MICAL2: variants seen among roughly 807,000 people sequenced by gnomAD.
MICAL2 encodes microtubule associated monooxygenase, calponin and LIM domain containing 2.
A neutral mutation model predicts 127.3 loss-of-function variants in MICAL2; 77 were observed. The observed-to-expected ratio is 0.60, with a 90% confidence interval of 0.50 to 0.73. The LOEUF is 0.73. Among genes scored for constraint, MICAL2 ranks in the 30% least tolerant of loss-of-function variants. The probability of loss-of-function intolerance (pLI) is 0.00; values close to 1 mark genes in which losing one functional copy is unlikely to be tolerated. For missense variants in MICAL2, 1,351 were observed against 1,434.4 expected (o/e 0.94, Z 0.94); for synonymous variants, 570 against 551.1 (o/e 1.03, Z -0.48).
chr11:12,298,640 A>G (rs1016048747), intron 29 of MICAL2, among the ~76,000 whole-genome samples: 6 of 152,192 alleles, frequency 3.9e-5, no homozygotes, highest in Non-Finnish European at 8.8e-5. Flanking sequence ...ACTGAGATAT[A>G]TTTTATCATT....
chr11:12,316,326 G>A (rs1490252409), intron 29 of MICAL2, among the ~76,000 whole-genome samples: 3 of 151,000 alleles, frequency 2.0e-5, no homozygotes, highest in Non-Finnish European at 4.4e-5. Flanking sequence ...TGATTTCTTT[G>A]TGTCTTCAAT....
At chr11:12,145,396 C>T (rs1376198701) in intron 2 of MICAL2, among the ~76,000 whole-genome samples, 7 of 152,282 alleles carry the variant, frequency 4.6e-5, no homozygotes, top group Non-Finnish European at 1.0e-4. Context: ...CTCAAGATGA[C>T]GAGTCCTGTT....
intron 1 of MICAL2, among the ~76,000 whole-genome samples, chr11:12,119,233 G>T (rs1006476608): frequency 1.3e-5 from 2 of 152,176 alleles, no homozygotes; most frequent in African/African-American, 4.8e-5. Context: ...TCTCTGGGGT[G>T]TTTATGTTGT....
At chr11:12,202,029 G>A (rs902489067) in intron 3 of MICAL2, among the ~76,000 whole-genome samples, 7 of 152,134 alleles carry the variant, frequency 4.6e-5, no homozygotes, top group African/African-American at 1.7e-4. Flanking sequence ...GGCTGAGGCA[G>A]GAGAAGCACT....
rs1366581253 is a variant in MICAL2 at position 12,242,241 on chromosome 11, G to A, written c.2365G>A (p.Val789Met). The change falls in exon 19 of 28, where the codon GTG becomes ATG. Residue 789 changes from valine to methionine, a missense_variant. By Grantham distance (21) the Val-to-Met change is conservative. This residue lies in a region of MICAL2 where 752 missense variants were observed against 719.4 expected (regional missense o/e 1.05). Transcript: ENST00000683283. ...QFPSVVVTGH[V>M]LRELKQVSAG... ...CCCCTCTGTGGTCGTGACGGGGCAC[G>A]TGCTCAGAGAGCTCAAGCAAGTGTC... 11 of 1,610,798 alleles carry A rather than the reference G, an allele frequency of 6.8e-6. No individual in the cohort carries two copies. Among genetic ancestry groups the A allele is most frequent in the South Asian group, 3.3e-5 (3 of 90,934 alleles).
intron 29 of MICAL2, among the ~76,000 whole-genome samples, chr11:12,309,384 G>T (rs1171495318): frequency 2.0e-5 from 3 of 152,008 alleles, no homozygotes; most frequent in Admixed American, 6.5e-5. Context: ...ATCTCCATGA[G>T]ATCCACTTTT....
At chr11:12,169,993 G>A (rs1379950420) in intron 3 of MICAL2, among the ~76,000 whole-genome samples, 2 of 152,140 alleles carry the variant, frequency 1.3e-5, no homozygotes, top group East Asian at 1.9e-4. Flanking sequence ...CTGCAGCCTG[G>A]ACTAGGTGAC....
intron 2 of MICAL2, among the ~76,000 whole-genome samples, chr11:12,283,231 G>A (rs541575562): frequency 9.9e-5 from 15 of 151,548 alleles, no homozygotes; most frequent in Non-Finnish European, 1.8e-4. Context: ...GTTTTATGGA[G>A]CTTCATTAAC....
upstream of MICAL2, among the ~76,000 whole-genome samples, chr11:12,272,480 C>A (rs565124161): frequency 7.2e-5 from 11 of 152,308 alleles, 1 homozygote; most frequent in South Asian, 2.1e-3. Context: ...ATCCCCAAAC[C>A]CCTAGCACAG....
At chr11:12,345,935 G>A (rs1225633859) in intron 32 of MICAL2, among the ~76,000 whole-genome samples, 7 of 152,182 alleles carry the variant, frequency 4.6e-5, no homozygotes, top group African/African-American at 1.7e-4. Flanking sequence ...ATCTGGAGGC[G>A]CTGTGAAAAG....
intron 21 of MICAL2, among the ~76,000 whole-genome samples, chr11:12,246,605 T>A (rs958612047): frequency 6.6e-6 from 1 of 152,174 alleles, no homozygotes; most frequent in Non-Finnish European, 1.5e-5. Flanking sequence ...AAATTTAATT[T>A]TTTTGTTTTT....
chr11:12,176,527 G>A (rs748186636), intron 3 of MICAL2, among the ~76,000 whole-genome samples: 1 of 152,052 alleles, frequency 6.6e-6, no homozygotes, highest in African/African-American at 2.4e-5. Context: ...ATCTTTAAGT[G>A]CACAGTTCAG....
rs754017959 is a variant in MICAL2, at chr11:12,319,735, C to T, written c.5252C>T (p.Ala1751Val). 4 of 1,614,010 alleles carry T rather than the reference C, an allele frequency of 2.5e-6. No individual in the cohort carries two copies. In the African/African-American group the frequency reaches 5.3e-5, roughly 22 times the overall value. ...CCCCTCAGAGCACAGGTAACAGAGG[C>T]TTCCTCTTCTGCCTCTTCAACCTCC... The change falls in exon 30 of 35, where the codon GCT becomes GTT. Residue 1751 changes from alanine to valine, a missense_variant. By Grantham distance (64) the Ala-to-Val change is moderately conservative (BLOSUM62 0). Transcript: ENST00000646065.
exon 33 of MICAL2, chr11:12,349,894 G>A: frequency 6.2e-7 from 1 of 1,614,110 alleles, no homozygotes; most frequent in East Asian, 2.2e-5. Flanking sequence ...GCTGGTTCTG[G>A]AGAAGAATAA....
chr11:12,352,405 T>C (rs957639526), intron 33 of MICAL2, among the ~76,000 whole-genome samples: 6 of 152,186 alleles, frequency 3.9e-5, no homozygotes, highest in African/African-American at 1.4e-4. Flanking sequence ...TAAGAAAACT[T>C]AGAAGAGCTC....
chr11:12,177,115 C>A (rs767359937), intron 3 of MICAL2, among the ~76,000 whole-genome samples: 4 of 152,086 alleles, frequency 2.6e-5, no homozygotes, highest in Non-Finnish European at 5.9e-5. Context: ...ATTTTATATT[C>A]CTACTAGCAA....
intron 16 of MICAL2, among the ~76,000 whole-genome samples, chr11:12,236,449 A>G (rs758562622): frequency 3.9e-5 from 6 of 152,120 alleles, no homozygotes; most frequent in Non-Finnish European, 7.3e-5. Flanking sequence ...GAGAAACACA[A>G]CCTCCCAGGA....
chr11:12,256,617 T>G, intron 23 of MICAL2, 168 bp from the exon 24 acceptor site: 2 of 622,636 alleles, frequency 3.2e-6, no homozygotes, highest in Non-Finnish European at 5.4e-6. Context: ...GGGGTCTGGG[T>G]TGGGGGTGTA....
chr11:12,261,517 C>T (rs1330738723), intron 26 of MICAL2: 24 of 985,318 alleles, frequency 2.4e-5, no homozygotes, highest in East Asian at 1.1e-4. Flanking sequence ...ATCAAGGGGC[C>T]GCCAGAGAAA....
Sources: allele counts gnomAD v4.1 joint callset (sites outside exome capture counted in the v4.1 genomes callset), GRCh38; gene constraint gnomAD v4.1.1; regional missense constraint gnomAD v4.1.1; transcripts MANE v1.5; gene names NCBI Gene and HGNC (gene_info 2026-07-23, HGNC 2026-07-21).